Variants in MANBA observed in about 807,000 individuals in gnomAD.
MANBA encodes mannosidase beta.
MANBA carries 83 observed loss-of-function variants against 111.1 expected under a neutral mutation model. The ratio of observed to expected loss-of-function variants is 0.75; its 90% CI spans 0.63 to 0.90. MANBA has a LOEUF of 0.90. Ranked by LOEUF, MANBA falls within the 40% of genes least tolerant of loss-of-function variation. The pLI, the probability that MANBA is intolerant of heterozygous loss-of-function variation, is 0.00. For synonymous variants in MANBA, 370 were observed against 378.7 expected (o/e 0.98, Z 0.27); for missense variants, 1,036 against 1,069.0 (o/e 0.97, Z 0.43).
chr4:102,734,464 G>A, intron 1 of MANBA: 2 of 1,601,626 alleles, frequency 1.2e-6, no homozygotes, highest in Non-Finnish European at 1.7e-6. Context: ...CAGCTCATCT[G>A]TGTGCTGGCC....
intron 2 of MANBA, 28 bp downstream of exon 2, chr4:102,726,561 A>G (rs200268626): frequency 1.5e-5 from 18 of 1,172,780 alleles, no homozygotes; most frequent in South Asian, 2.6e-5. Flanking sequence ...TCAAATAATA[A>G]TAAAAATACA....
intron 14 of MANBA, among the ~76,000 whole-genome samples, chr4:102,637,143 T>C (rs1305998599): frequency 6.6e-6 from 1 of 152,210 alleles, no homozygotes; most frequent in Non-Finnish European, 1.5e-5. Flanking sequence ...GTGAGTCCAT[T>C]AAACCTCTTT....
At chr4:102,713,896 C>CAAAAAAAAAAA (rs987115592) in intron 5 of MANBA, among the ~76,000 whole-genome samples, 1 of 68,432 alleles carries the variant, frequency 1.5e-5, no homozygotes, top group Non-Finnish European at 3.2e-5. Flanking sequence ...AACTCCATCT[C>CAAAAAAAAAAA]AAAAAAAAAA....
intron 2 of MANBA, among the ~76,000 whole-genome samples, 150 bp downstream of exon 2, chr4:102,726,435 TCTTA>T (rs1179037890): frequency 6.6e-6 from 1 of 151,798 alleles, no homozygotes; most frequent in Non-Finnish European, 1.5e-5. Context: ...AAGGCTTTCA[TCTTA>T]CTTAACTCTC....
intron 5 of MANBA, among the ~76,000 whole-genome samples, chr4:102,703,761 C>T (rs1029403920): frequency 2.0e-5 from 3 of 152,120 alleles, no homozygotes; most frequent in African/African-American, 4.8e-5. Flanking sequence ...TCAATCAGCA[C>T]TCCCCACTTT....
chr4:102,733,391 T>C (rs1418447774), intron 1 of MANBA, among the ~76,000 whole-genome samples: 2 of 151,470 alleles, frequency 1.3e-5, no homozygotes, highest in African/African-American at 4.9e-5. Context: ...CTCTGCTCTG[T>C]CACCCAGGCT....
At chr4:102,751,915 G>T in intron 1 of MANBA, 1 of 633,932 alleles carries the variant, frequency 1.6e-6, no homozygotes, top group Non-Finnish European at 3.1e-6. Flanking sequence ...TTATGGGAGT[G>T]GAATAGAGAG....
chr4:102,733,340 C>A lies in MANBA; in HGVS notation c.178-6657G>T, dbSNP rs950106448. On this transcript the variant is annotated intron_variant, in intron 1 of 16. Coordinates refer to ENST00000647097, the MANE Select transcript of MANBA (RefSeq NM_005908.4). ...TTCCTGTTCACCTGAGTAAGGAAGT[C>A]CTCTCTGCATTTTTTTTTTTTTTTT... Among the ~76,000 whole-genome samples, 15 of 151,230 alleles carry A rather than the reference C, an allele frequency of 9.9e-5. 1 individual carries two copies. The highest frequency in any genetic ancestry group is 7.9e-4 in the Admixed American group (12 of 15,180).
At chr4:102,706,694 A>T (rs975016507) in intron 5 of MANBA, among the ~76,000 whole-genome samples, 1 of 152,204 alleles carries the variant, frequency 6.6e-6, no homozygotes, top group Non-Finnish European at 1.5e-5. Flanking sequence ...TCAGAAAAAA[A>T]AAGAAATCAG....
intron 7 of MANBA, among the ~76,000 whole-genome samples, chr4:102,678,141 A>G (rs1463127514): frequency 6.6e-6 from 1 of 152,184 alleles, no homozygotes; most frequent in East Asian, 1.9e-4. Context: ...ACTTTCCAGA[A>G]TATTTTTCCT....
At chr4:102,650,305 A>G (rs1049974419) in intron 13 of MANBA, among the ~76,000 whole-genome samples, 1 of 152,254 alleles carries the variant, frequency 6.6e-6, no homozygotes, top group Non-Finnish European at 1.5e-5. Flanking sequence ...GAATATTTTC[A>G]TACACAATTT....
At position 102,632,059 on chromosome 4, in the gene MANBA, A is replaced by G; in HGVS notation, c.2638T>C (p.Ter880ArgextTer13). Residue 880 changes from the stop codon to arginine (R), a stop_lost, in exon 17 of 17, where the codon TGA becomes CGA. Transcript: ENST00000647097. Reference protein sequence around the residue: ...FHVTSLTDIY* With the variant: ...FHVTSLTDIYR ...CTGAAAATACAACCTAGATTCCTTC[A>G]GTAAATATCTGTTAAGGAGGTCACA... The G allele has an allele frequency of 6.3e-7, 1 of 1,591,128 alleles. No homozygotes were observed. The highest frequency in any genetic ancestry group is 8.6e-7 in the Non-Finnish European group (1 of 1,160,680).
intron 13 of MANBA, among the ~76,000 whole-genome samples, chr4:102,647,062 A>G (rs1367887508): frequency 1.3e-5 from 2 of 152,006 alleles, no homozygotes; most frequent in Non-Finnish European, 2.9e-5. Context: ...GTAGGAACAT[A>G]GAAAGTGGAA....
At chr4:102,667,663 A>G (rs1243772063) in intron 10 of MANBA, 1 of 152,236 alleles carries the variant, frequency 6.6e-6, no homozygotes, top group East Asian at 1.9e-4. Flanking sequence ...TTGAGGCTCA[A>G]GAGGTAAAGT....
At chr4:102,740,098 G>C (rs963142857) in intron 1 of MANBA, among the ~76,000 whole-genome samples, 11 of 152,092 alleles carry the variant, frequency 7.2e-5, no homozygotes, top group African/African-American at 2.7e-4. Context: ...GCAAAGTTTT[G>C]GGATACCAAA....
At chr4:102,655,152 C>T (rs768349782) in intron 12 of MANBA, among the ~76,000 whole-genome samples, 2 of 152,076 alleles carry the variant, frequency 1.3e-5, no homozygotes, top group African/African-American at 4.8e-5. Context: ...AAGACTGGTA[C>T]ACTGAAAACT....
intron 5 of MANBA, among the ~76,000 whole-genome samples, chr4:102,705,327 C>G (rs566079981): frequency 1.3e-5 from 2 of 152,174 alleles, no homozygotes; most frequent in African/African-American, 4.8e-5. Flanking sequence ...AGCTCCTAAG[C>G]GGTTAAAGCA....
Position 102,760,934 on chromosome 4 carries a change from G to A in MANBA, c.-40C>T, listed in dbSNP as rs550614493. The A allele has an allele frequency of 1.6e-5, 25 of 1,534,838 alleles. No individual in the cohort carries two copies. The South Asian group carries it at 2.5e-4, about 15-fold the overall frequency. ...CCACCGAGATGTGGAGAGATCGAAA[G>A]GCAGCGCTGCAAGGGACCGGCGGTG... On this transcript the variant is annotated 5_prime_UTR_variant, in exon 1 of 17. Transcript: ENST00000647097.
chr4:102,740,799 T>C (rs1045898967), intron 1 of MANBA, among the ~76,000 whole-genome samples: 3 of 151,906 alleles, frequency 2.0e-5, no homozygotes, highest in Admixed American at 2.0e-4. Flanking sequence ...AAATATCAAC[T>C]TGATAGATCA....
Sources: allele counts gnomAD v4.1 joint callset (sites outside exome capture counted in the v4.1 genomes callset), GRCh38; gene constraint gnomAD v4.1.1; transcripts MANE v1.5; gene names NCBI Gene and HGNC (gene_info 2026-07-23, HGNC 2026-07-21).